GPC5: variants seen among roughly 807,000 people sequenced by gnomAD.
GPC5 encodes the protein glypican 5.
GPC5 carries 47 observed loss-of-function variants against 53.9 expected under a neutral mutation model. The ratio of observed to expected loss-of-function variants is 0.87; its 90% CI spans 0.69 to 1.11. The LOEUF (loss-of-function observed/expected upper bound fraction) is 1.11. Among genes scored for constraint, GPC5 ranks in the 50% most tolerant of loss-of-function variants. The pLI, the probability that GPC5 is intolerant of heterozygous loss-of-function variation, is 0.00. For missense variants in GPC5, 748 were observed against 713.1 expected, an observed-to-expected ratio of 1.05 and a Z score of -0.56; for synonymous variants, 286 against 263.3, an observed-to-expected ratio of 1.09 and a Z score of -0.84.
At chr13:91,468,984 C>T (rs1267997139) in intron 2 of GPC5, among the ~76,000 whole-genome samples, 1 of 151,274 alleles carries the variant, frequency 6.6e-6, no homozygotes, top group African/African-American at 2.4e-5. Context: ...CTCAAGCCAT[C>T]CTCCCACCTC....
At chr13:91,440,091 G>A (rs976138802) in intron 1 of GPC5, among the ~76,000 whole-genome samples, 6 of 151,970 alleles carry the variant, frequency 3.9e-5, no homozygotes, top group African/African-American at 1.5e-4. Context: ...TTTGTCTTGG[G>A]GTTCAAGGAG....
intron 2 of GPC5, among the ~76,000 whole-genome samples, chr13:91,669,278 AT>A (rs1462437294): frequency 6.6e-6 from 1 of 152,048 alleles, no homozygotes; most frequent in Non-Finnish European, 1.5e-5. Context: ...ACAAAACATG[AT>A]TGTTTCAGAG....
rs556448434 is a variant in GPC5 at position 91,789,168 on chromosome 13, G to A, written c.1280+32748G>A. On this transcript the variant is annotated intron_variant, in intron 5 of 7. Transcript: ENST00000377067. Reference sequence around the variant, plus strand: ...GTGGAGGTTGCAGTGAGCCAAGATCGTGCCACTGCACTCTAGCCTGGGTGA... The same window carrying A: ...GTGGAGGTTGCAGTGAGCCAAGATCATGCCACTGCACTCTAGCCTGGGTGA... Among the ~76,000 whole-genome samples, 721 of 152,042 alleles carry A rather than the reference G, an allele frequency of 4.7e-3. 3 individuals carry two copies. The highest frequency in any genetic ancestry group is 0.016 in the African/African-American group (679 of 41,472).
intron 4 of GPC5, among the ~76,000 whole-genome samples, chr13:91,746,114 C>A (rs1240954000): frequency 6.6e-6 from 1 of 152,178 alleles, no homozygotes. Context: ...ATTTCCTCTG[C>A]TGAGCAGGAG....
At chr13:91,726,730 C>T (rs970842386) in intron 3 of GPC5, among the ~76,000 whole-genome samples, 7 of 152,168 alleles carry the variant, frequency 4.6e-5, no homozygotes, top group African/African-American at 1.7e-4. Context: ...CTGAAATCCA[C>T]TCCTTCCATT....
At chr13:91,820,304 A>C (rs1204793509) in intron 5 of GPC5, among the ~76,000 whole-genome samples, 1 of 152,048 alleles carries the variant, frequency 6.6e-6, no homozygotes, top group African/African-American at 2.4e-5. Flanking sequence ...TTTAGTCTTT[A>C]CCCTAGGAAA....
chr13:91,748,449 T>C (rs547022905), intron 4 of GPC5, among the ~76,000 whole-genome samples: 5 of 152,320 alleles, frequency 3.3e-5, no homozygotes, highest in Admixed American at 3.3e-4. Context: ...CTTTAAATTA[T>C]CACTATCATT....
At chr13:92,309,793 A>G (rs534059882) in intron 7 of GPC5, among the ~76,000 whole-genome samples, 34 of 152,230 alleles carry the variant, frequency 2.2e-4, no homozygotes, top group Admixed American at 2.0e-3. Flanking sequence ...CAAGTGCACA[A>G]TAGAATATTA....
chr13:91,664,419 TTG>T (rs2035059038), intron 2 of GPC5, among the ~76,000 whole-genome samples: 1 of 152,246 alleles, frequency 6.6e-6, no homozygotes, highest in Non-Finnish European at 1.5e-5. Flanking sequence ...GATTTGTCCC[TTG>T]TGTTTTGTCC....
chr13:91,433,037 G>A (rs1286637261), intron 1 of GPC5, among the ~76,000 whole-genome samples: 1 of 152,108 alleles, frequency 6.6e-6, no homozygotes, highest in Non-Finnish European at 1.5e-5. Flanking sequence ...GAAGACAAAG[G>A]TGGTTCTTAT....
intron 7 of GPC5, among the ~76,000 whole-genome samples, chr13:92,208,016 T>C (rs1197451557): frequency 1.3e-5 from 2 of 152,178 alleles, no homozygotes; most frequent in Non-Finnish European, 2.9e-5. Flanking sequence ...CTGTCGTTCT[T>C]GTTAGCAGAC....
At chr13:91,703,824 A>C (rs1358295762) in intron 3 of GPC5, among the ~76,000 whole-genome samples, 1 of 152,100 alleles carries the variant, frequency 6.6e-6, no homozygotes, top group East Asian at 1.9e-4. Flanking sequence ...CAATTTCCTT[A>C]ATCCTTATTG....
rs1277270334 is a variant in GPC5, at chr13:92,033,693, TAA to T, written c.1402-111136_1402-111135del. Among the ~76,000 whole-genome samples the T allele has an allele frequency of 2.0e-5, 3 of 152,216 alleles. No individual in the cohort carries two copies. In the South Asian group the frequency reaches 6.2e-4, roughly 32 times the overall value. ...CAAGATTCTGAAGAGTAAATTTAATTAAGTTATATGGGATGCTTTTAACTGCC... is the reference window on the plus strand; with the variant it reads ...CAAGATTCTGAAGAGTAAATTTAATTGTTATATGGGATGCTTTTAACTGCC... On this transcript the variant is annotated intron_variant, in intron 6 of 7. Transcript: ENST00000377067.
intron 7 of GPC5, among the ~76,000 whole-genome samples, chr13:92,517,944 A>G (rs1185063394): frequency 6.6e-6 from 1 of 152,194 alleles, no homozygotes; most frequent in Admixed American, 6.5e-5. Flanking sequence ...GATTAGATGA[A>G]TGGCTAACTA....
chr13:91,880,028 T>G (rs2039247238), intron 5 of GPC5, among the ~76,000 whole-genome samples: 1 of 152,108 alleles, frequency 6.6e-6, no homozygotes, highest in African/African-American at 2.4e-5. Flanking sequence ...TCTTATAACT[T>G]TATACATATT....
At position 91,524,840 on chromosome 13, in the gene GPC5, A is replaced by G. The variant is rs540715953; in HGVS notation, c.325+75918A>G. ...GAAATTTGAAATGAATATTTGTTTC[A>G]TTAAATCCCTGTTCCCATTTTCTTT... On this transcript the variant is annotated intron_variant, in intron 2 of 7. Transcript: ENST00000377067. 4.6e-5 allele frequency among the ~76,000 whole-genome samples: 7 copies of G among 152,346 alleles called. No individual in the cohort carries two copies. In the South Asian group the frequency reaches 8.3e-4, roughly 18 times the overall value.
intron 7 of GPC5, among the ~76,000 whole-genome samples, chr13:92,330,772 A>G (rs1332140786): frequency 2.0e-5 from 3 of 152,120 alleles, no homozygotes; most frequent in Admixed American, 1.3e-4. Flanking sequence ...AAACCAGGCC[A>G]CCTCTTGCAG....
intron 7 of GPC5, among the ~76,000 whole-genome samples, chr13:92,310,389 AT>A (rs1335500048): frequency 6.6e-6 from 1 of 152,170 alleles, no homozygotes; most frequent in African/African-American, 2.4e-5. Context: ...CTTTCATCAT[AT>A]TACTCAATTC....
At chr13:92,555,065 T>A (rs1882448155) in intron 7 of GPC5, among the ~76,000 whole-genome samples, 1 of 151,374 alleles carries the variant, frequency 6.6e-6, no homozygotes, top group Non-Finnish European at 1.5e-5. Flanking sequence ...AAAATTAGAT[T>A]ATGGTGGTAT....
Sources: allele counts gnomAD v4.1 joint callset (sites outside exome capture counted in the v4.1 genomes callset), GRCh38; gene constraint gnomAD v4.1.1; transcripts MANE v1.5; gene names NCBI Gene and HGNC (gene_info 2026-07-23, HGNC 2026-07-21).